STAG1: variants seen among roughly 807,000 people sequenced by gnomAD.
The protein encoded by STAG1 is STAG1 cohesin complex component.
Under a neutral mutation model 170.9 loss-of-function variants are expected in STAG1, and 26 were observed. The observed-to-expected ratio is 0.15, with a 90% CI of 0.11 to 0.21. STAG1 has a LOEUF of 0.21. STAG1 is among the 10% of genes least tolerant of loss of function. The pLI is 1.00. For synonymous variants in STAG1, 514 were observed against 497.7 expected (o/e 1.03, Z -0.44); for missense variants, 964 against 1,509.5 (o/e 0.64, Z 5.99).
chr3:136,723,823 G>A (rs1430084405), intron 1 of STAG1, among the ~76,000 whole-genome samples: 1 of 146,186 alleles, frequency 6.8e-6, no homozygotes, highest in Non-Finnish European at 1.5e-5. Context: ...CCCCGTCCGG[G>A]AGGGAGGTGG....
chr3:136,447,299 G>A (rs892203569), intron 14 of STAG1, among the ~76,000 whole-genome samples: 1 of 151,466 alleles, frequency 6.6e-6, no homozygotes, highest in African/African-American at 2.4e-5. Context: ...TGGTGAAACC[G>A]TCTCTACTAA....
intron 7 of STAG1, among the ~76,000 whole-genome samples, chr3:136,508,215 G>GAA (rs764566916): frequency 3.9e-5 from 6 of 152,136 alleles, no homozygotes; most frequent in Non-Finnish European, 8.8e-5. Context: ...ACTAATGCAG[G>GAA]AATTTTGTAG....
intron 6 of STAG1, among the ~76,000 whole-genome samples, chr3:136,538,862 G>A (rs1019425490): frequency 3.9e-5 from 6 of 152,096 alleles, no homozygotes; most frequent in Non-Finnish European, 8.8e-5. Flanking sequence ...GTGGCTGGGA[G>A]CGGTGCTCAC....
chr3:136,453,763 A>T (rs1215008519), intron 13 of STAG1, among the ~76,000 whole-genome samples: 1 of 152,014 alleles, frequency 6.6e-6, no homozygotes, highest in African/African-American at 2.4e-5. Context: ...GTAAAAAAAA[A>T]AAACGGTATA....
At chr3:136,467,517 A>T (rs2089498937) in intron 12 of STAG1, among the ~76,000 whole-genome samples, 3 of 152,006 alleles carry the variant, frequency 2.0e-5, no homozygotes, top group African/African-American at 7.2e-5. Flanking sequence ...AGAAAGTCCT[A>T]AAAGACCTAT....
At chr3:136,541,540 A>ACACACACACACACACACACT (rs1553743110) in intron 6 of STAG1, among the ~76,000 whole-genome samples, 9 of 101,892 alleles carry the variant, frequency 8.8e-5, no homozygotes, top group African/African-American at 3.4e-4. Flanking sequence ...CTTAACATTC[A>ACACACACACACACACACACT]CACACACACA....
chr3:136,595,312 C>G (rs956833948), intron 4 of STAG1, among the ~76,000 whole-genome samples: 11 of 152,102 alleles, frequency 7.2e-5, no homozygotes, highest in Non-Finnish European at 1.5e-5. Context: ...TGAACGCTAC[C>G]AAGTCAAACA....
At chr3:136,432,581 C>T (rs2088339982) in intron 16 of STAG1, among the ~76,000 whole-genome samples, 1 of 151,754 alleles carries the variant, frequency 6.6e-6, no homozygotes, top group Admixed American at 6.6e-5. Context: ...GATCTGGGCT[C>T]CCTGCAACCT....
At chr3:136,369,869 C>T (rs1279254485) in intron 23 of STAG1, among the ~76,000 whole-genome samples, 1 of 152,098 alleles carries the variant, frequency 6.6e-6, no homozygotes, top group Non-Finnish European at 1.5e-5. Context: ...TTCCTATCAC[C>T]TAGTGATGTA....
intron 23 of STAG1, among the ~76,000 whole-genome samples, chr3:136,371,788 A>G (rs944131968): frequency 4.1e-4 from 62 of 152,042 alleles, no homozygotes; most frequent in Admixed American, 2.4e-3. Context: ...GTCAGGTAGC[A>G]TGATGCCTCC....
chr3:136,624,138 G>A (rs528169876), intron 2 of STAG1, among the ~76,000 whole-genome samples: 2 of 149,300 alleles, frequency 1.3e-5, no homozygotes, highest in South Asian at 2.1e-4. Context: ...TCACTCTGTC[G>A]CCCAGGCTGG....
chr3:136,522,590 T>C (rs1380555049), intron 6 of STAG1, among the ~76,000 whole-genome samples: 1 of 152,186 alleles, frequency 6.6e-6, no homozygotes, highest in Admixed American at 6.5e-5. Flanking sequence ...TTCACTCTAC[T>C]TTTAGTTCTA....
At chr3:136,496,609 A>G (rs1055736108) in intron 9 of STAG1, among the ~76,000 whole-genome samples, 1 of 152,200 alleles carries the variant, frequency 6.6e-6, no homozygotes, top group African/African-American at 2.4e-5. Context: ...ACTAAATAAA[A>G]AATGCAATAT....
At chr3:136,361,440 A>G (rs1936859681) in intron 26 of STAG1, among the ~76,000 whole-genome samples, 1 of 152,162 alleles carries the variant, frequency 6.6e-6, no homozygotes, top group African/African-American at 2.4e-5. Flanking sequence ...CTAGAAGCAA[A>G]ATTACTGGCT....
intron 7 of STAG1, among the ~76,000 whole-genome samples, chr3:136,509,452 T>C (rs914168450): frequency 2.0e-5 from 3 of 151,960 alleles, no homozygotes; most frequent in Non-Finnish European, 4.4e-5. Flanking sequence ...CCAGCCACTT[T>C]CAGCTCTGCT....
intron 1 of STAG1, among the ~76,000 whole-genome samples, chr3:136,657,766 G>A (rs909524563): frequency 1.3e-5 from 2 of 152,234 alleles, no homozygotes; most frequent in Admixed American, 6.5e-5. Context: ...AGGTTGCAGT[G>A]AGCCAAGATG....
At chr3:136,588,112 A>T (rs1259891976) in intron 4 of STAG1, among the ~76,000 whole-genome samples, 1 of 152,166 alleles carries the variant, frequency 6.6e-6, no homozygotes, top group Non-Finnish European at 1.5e-5. Context: ...TTCTTAACAC[A>T]TTGTTCAACA....
At chr3:136,637,162 T>G (rs1940597861) in intron 1 of STAG1, among the ~76,000 whole-genome samples, 1 of 152,226 alleles carries the variant, frequency 6.6e-6, no homozygotes, top group Non-Finnish European at 1.5e-5. Context: ...GCATAAAGGT[T>G]TAAGTAGCAT....
chr3:136,387,442 C>A (rs2086903067), intron 22 of STAG1, among the ~76,000 whole-genome samples: 1 of 152,142 alleles, frequency 6.6e-6, no homozygotes, highest in South Asian at 2.1e-4. Context: ...CATTAAATTA[C>A]TTTTCACCTG....
Sources: gnomAD v4.1 joint callset for allele counts (sites outside exome capture counted in the v4.1 genomes callset) on GRCh38, gnomAD v4.1.1 for gene constraint, MANE v1.5 for transcripts, NCBI Gene and HGNC (gene_info 2026-07-23, HGNC 2026-07-21) for gene names.